Variants in TMEM94 observed in about 807,000 individuals in gnomAD.
TMEM94 encodes ER Mg2+ ATPase.
In TMEM94, 81 loss-of-function variants were observed where a neutral mutation model predicts 158.6. That is an observed-to-expected ratio of 0.51 (90% CI 0.43 to 0.61). TMEM94 has a LOEUF of 0.61. Among genes scored for constraint, TMEM94 ranks in the 20% least tolerant of loss-of-function variants. TMEM94 has a pLI of 0.00. For missense variants in TMEM94, 1,435 were observed against 1,762.0 expected (o/e 0.81, Z 3.32); for synonymous variants, 751 against 730.7 (o/e 1.03, Z -0.45).
At position 75,489,272 on chromosome 17, in the gene TMEM94, C is replaced by G. The variant is rs115389161; in HGVS notation, c.771C>G (p.Cys257Trp). 3.7e-6 allele frequency: 6 copies of G among 1,613,990 alleles called. No individual in the cohort carries two copies. The Admixed American group carries it at 1.0e-4, about 27-fold the overall frequency. Residue 257 changes from cysteine to tryptophan, a missense_variant, in exon 8 of 32, where the codon TGC (cysteine) becomes TGG (tryptophan). Physicochemically the swap from Cys to Trp is radical, Grantham distance 215 (BLOSUM62 -2). Coordinates refer to ENST00000314256, the MANE Select transcript of TMEM94 (RefSeq NM_014738.6). This position sits in a 1 kb window ranked among gnomAD's most constrained non-coding sequence, Gnocchi z 5.0. ...ETPVIDNIRWCLDMALSRPVT... is the reference protein window; with the variant it reads ...ETPVIDNIRWWLDMALSRPVT... The stretch of plus-strand genomic sequence containing the variant: ...CAGTCACTTCTTTCTGCAGATGGTG[C>G]CTGGACATGGCCCTGTCCCGACCAG...
chr17:75,499,015 C>T lies in TMEM94; in HGVS notation c.3931C>T (p.Leu1311Phe), dbSNP rs1160686021. Residue 1311 changes from leucine to phenylalanine, a missense_variant, in exon 31 of 32, where the codon CTC becomes TTC. By Grantham distance (22) the Leu-to-Phe change is conservative. Coordinates refer to ENST00000314256, the MANE Select transcript of TMEM94 (RefSeq NM_014738.6). ...GLEDVPLLTWLLGCLSLVLVV... is the reference protein window; with the variant it reads ...GLEDVPLLTWFLGCLSLVLVV... Reference sequence around the variant, plus strand: ...GGAGGACGTGCCCCTGCTGACATGGCTCCTGGGCTGCCTGTCCCTGGTCCT... The same window carrying T: ...GGAGGACGTGCCCCTGCTGACATGGTTCCTGGGCTGCCTGTCCCTGGTCCT... The T allele has an allele frequency of 6.2e-7, 1 of 1,604,076 alleles. No homozygotes were observed. Among genetic ancestry groups the T allele is most frequent in the Non-Finnish European group, 8.5e-7 (1 of 1,176,884 alleles).
At chr17:75,471,263 G>T (rs1007118611) in intron 1 of TMEM94, among the ~76,000 whole-genome samples, 1 of 148,598 alleles carries the variant, frequency 6.7e-6, no homozygotes, top group Non-Finnish European at 1.5e-5. Flanking sequence ...AAGAAAGAAA[G>T]AAAGAAAGAA....
At position 75,495,176 on chromosome 17, in the gene TMEM94, CAGT is replaced by C; in HGVS notation, c.2729-104_2729-102del. The C allele has an allele frequency of 1.4e-6, 2 of 1,401,002 alleles. No homozygotes were observed. The highest frequency in any genetic ancestry group is 1.9e-6 in the Non-Finnish European group (2 of 1,028,208). The allele number at this position is 1,401,002 out of a possible 1,614,324, so 86.8% of individuals were successfully genotyped here. ...ATGGCTCTGATGTCCCTGCGGGAAA[CAGT>C]AGTCAGCAGGAAGGAGTGGACACAG... On this transcript the variant is annotated intron_variant, in intron 20 of 31. Transcript: ENST00000314256. The surrounding 1 kb of genome is among the most constrained non-coding windows in gnomAD (Gnocchi z 5.6).
At position 75,456,669 on chromosome 17, in the gene TMEM94, G is replaced by GC. The variant is rs1042439923; in HGVS notation, c.-184dup. ...GTTGCCAGTAACGGACATGGCTGCG[G>GC]CCCCCGGAGGAGGGGACGTGAAGTG... On this transcript the variant is annotated 5_prime_UTR_variant, in exon 1 of 32. The change abolishes the stop of an existing upstream ORF in the 5' untranslated region. Transcript: ENST00000314256. The GC allele has an allele frequency of 1.3e-5, 2 of 152,302 alleles. No homozygotes were observed. The highest frequency in any genetic ancestry group is 2.4e-5 in the African/African-American group (1 of 41,462). 9.4% of individuals were successfully genotyped at this position (152,302 alleles called of 1,614,324 possible).
intron 24 of TMEM94, 42 bp from the exon 25 acceptor site, chr17:75,496,688 C>T (rs371716588): frequency 1.3e-6 from 2 of 1,590,786 alleles, no homozygotes; most frequent in African/African-American, 2.7e-5. Context: ...CTGGGAGAGG[C>T]CAGGTAGACC....
At position 75,491,202 on chromosome 17, in the gene TMEM94, T is replaced by A. The variant is rs2052147649; in HGVS notation, c.1233+49T>A. On this transcript the variant is annotated intron_variant, in intron 12 of 31. Coordinates refer to ENST00000314256, the MANE Select transcript of TMEM94 (RefSeq NM_014738.6). This position sits in a 1 kb window ranked among gnomAD's most constrained non-coding sequence, Gnocchi z 5.1. Reference sequence around the variant, plus strand: ...GAGGCAACTGTCATGCCCGCCCTGCTCTCTGGCTGGGCCTGGGCTGCCCAC... The same window carrying A: ...GAGGCAACTGTCATGCCCGCCCTGCACTCTGGCTGGGCCTGGGCTGCCCAC... 1.9e-6 allele frequency: 3 copies of A among 1,591,668 alleles called. No individual in the cohort carries two copies. The highest frequency in any genetic ancestry group is 2.6e-6 in the Non-Finnish European group (3 of 1,164,754).
chr17:75,495,658 C>T lies in TMEM94; in HGVS notation c.2944+15C>T, dbSNP rs747542783. ...CACCCCAGAGAGTGAGTGCTGTGGC[C>T]ATGGGTACTTGGGCAACCTGGTCCC... On this transcript the variant is annotated intron_variant, in intron 22 of 31. Transcript: ENST00000314256. The surrounding 1 kb of genome is among the most constrained non-coding windows in gnomAD (Gnocchi z 5.6). The T allele has an allele frequency of 1.8e-5, 29 of 1,611,912 alleles. No individual in the cohort carries two copies. The highest frequency in any genetic ancestry group is 1.3e-5 in the African/African-American group (1 of 74,922).
chr17:75,479,992 G>A (rs2051032063), intron 2 of TMEM94, among the ~76,000 whole-genome samples: 1 of 151,938 alleles, frequency 6.6e-6, no homozygotes, highest in African/African-American at 2.4e-5. Context: ...AGGCTGAGGT[G>A]GGAGAATTGC....
chr17:75,496,566 C>T lies in TMEM94; in HGVS notation c.3243+95C>T, dbSNP rs2052706924. 6.2e-6 allele frequency: 9 copies of T among 1,453,266 alleles called. No homozygotes were observed. In the East Asian group the frequency reaches 1.4e-4, roughly 22 times the overall value. 90.0% of individuals were successfully genotyped at this position (1,453,266 alleles called of 1,614,324 possible). On this transcript the variant is annotated intron_variant, in intron 24 of 31. Transcript: ENST00000314256. ...AGGACCTGTTTGAACCCGGGGACCT[C>T]ATTCCCCAGCCCTCCGAGCGGGCTC...
At chr17:75,465,679 A>ATATAT (rs1247855961) in intron 1 of TMEM94, among the ~76,000 whole-genome samples, 1 of 124,824 alleles carries the variant, frequency 8.0e-6, no homozygotes, top group South Asian at 2.5e-4. Context: ...ATATATATAT[A>ATATAT]TTTTTTTTTA....
rs190217553 is a variant in TMEM94, at chr17:75,489,939, C to T, written c.954+277C>T. The T allele has an allele frequency of 1.8e-5, 10 of 567,034 alleles. No individual in the cohort carries two copies. The Admixed American group carries it at 2.5e-4, about 14-fold the overall frequency. The allele number at this position is 567,034 out of a possible 1,614,324, so 35.1% of individuals were successfully genotyped here. ...ACTAAGAATATAAAAATTAGCTGGG[C>T]GTGGTGGCACGTGCCTGTGGTCCCA... On this transcript the variant is annotated intron_variant, in intron 9 of 31. Coordinates refer to ENST00000314256, the MANE Select transcript of TMEM94 (RefSeq NM_014738.6). The surrounding 1 kb of genome is among the most constrained non-coding windows in gnomAD (Gnocchi z 5.0).
chr17:75,493,510 C>T lies in TMEM94; in HGVS notation c.2106C>T (p.Ser702=), dbSNP rs2052403824. The change falls in exon 17 of 32, where the codon TCC becomes TCT. Residue 702 remains serine, a synonymous_variant. Transcript: ENST00000314256. ...CCCCAGGCACAGAGCAGATGCTGTC[C>T]CATGGCACCGCTGATGTGGTCTTAG... ...DTTTSTEQML[S]HGTADVVLEA... is the part of the protein sequence containing the mutation. The T allele has an allele frequency of 6.2e-7, 1 of 1,613,992 alleles. No homozygotes were observed. Among genetic ancestry groups the T allele is most frequent in the Non-Finnish European group, 8.5e-7 (1 of 1,180,020 alleles).
At position 75,487,850 on chromosome 17, in the gene TMEM94, T is replaced by G; in HGVS notation, c.410-82T>G. ...CCTGGGAGAGGAAGTGGGCAGACAG[T>G]GCTTCCGGAAGTGCTGCTGTATCTG... is the stretch of plus-strand genomic sequence containing the variant. On this transcript the variant is annotated intron_variant, in intron 5 of 31. Transcript: ENST00000314256. This position sits in a 1 kb window ranked among gnomAD's most constrained non-coding sequence, Gnocchi z 4.6. 8.6e-7 allele frequency: 1 copy of G among 1,164,666 alleles called. No homozygotes were observed. The highest frequency in any genetic ancestry group is 1.3e-6 in the Non-Finnish European group (1 of 789,644). 72.1% of individuals were successfully genotyped at this position (1,164,666 alleles called of 1,614,324 possible). A position where few individuals can be genotyped will look rare whatever the true frequency, so the allele number is the denominator to read the frequency against.
intron 1 of TMEM94, among the ~76,000 whole-genome samples, chr17:75,471,442 G>A (rs1054011387): frequency 3.3e-5 from 5 of 152,090 alleles, no homozygotes; most frequent in East Asian, 1.9e-4. Context: ...GTACTTTTCC[G>A]CGTACCATAC....
At chr17:75,493,181 T>G in intron 16 of TMEM94, 79 bp downstream of exon 16, 32 of 1,443,420 alleles carry the variant, frequency 2.2e-5, no homozygotes, top group Non-Finnish European at 3.0e-5. Flanking sequence ...GCCCCACCCA[T>G]TGCTAGGGAG....
At chr17:75,467,198 C>G (rs1237555680) in intron 1 of TMEM94, among the ~76,000 whole-genome samples, 1 of 152,014 alleles carries the variant, frequency 6.6e-6, no homozygotes, top group East Asian at 1.9e-4. Context: ...TGGTCTGGAA[C>G]TCCTGTCCTC....
At position 75,489,282 on chromosome 17, in the gene TMEM94, GCCCTGTCCCGACCAGT is replaced by G; in HGVS notation, c.783_798del (p.Ser263ProfsTer12). The G allele has an allele frequency of 6.2e-7, 1 of 1,614,140 alleles. No homozygotes were observed. Among genetic ancestry groups the G allele is most frequent in the Admixed American group, 1.7e-5 (1 of 60,018 alleles). On this transcript the variant is annotated frameshift_variant, in exon 8 of 32. Coordinates refer to ENST00000314256, the MANE Select transcript of TMEM94 (RefSeq NM_014738.6). LOFTEE classifies it high-confidence loss of function. The surrounding 1 kb of genome is among the most constrained non-coding windows in gnomAD (Gnocchi z 5.0). ...TTTCTGCAGATGGTGCCTGGACATG[GCCCTGTCCCGACCAGT>G]CACTGCCCTGGACAATGAGCGGTTC...
chr17:75,460,532 T>A (rs942113972), intron 1 of TMEM94, among the ~76,000 whole-genome samples: 4 of 151,478 alleles, frequency 2.6e-5, no homozygotes, highest in Non-Finnish European at 4.4e-5. Flanking sequence ...TTTTTTTTTT[T>A]GAGACAGAAC....
chr17:75,462,001 G>GTTTTTT (rs1230233393), intron 1 of TMEM94, among the ~76,000 whole-genome samples: 1,011 of 85,630 alleles, frequency 0.012, 144 homozygotes, highest in Non-Finnish European at 0.013. Flanking sequence ...TTTTTGTTTT[G>GTTTTTT]TTTTGTTTTG....
Sources: allele counts gnomAD v4.1 joint callset (sites outside exome capture counted in the v4.1 genomes callset), GRCh38; gene constraint gnomAD v4.1.1; non-coding constraint Gnocchi (gnomAD v3.1); transcripts MANE v1.5; gene names NCBI Gene and HGNC (gene_info 2026-07-23, HGNC 2026-07-21).